WASF2: variants seen among roughly 807,000 people sequenced by gnomAD.
The protein encoded by WASF2 is WASP family member 2.
In WASF2, 14 loss-of-function variants were observed where a neutral mutation model predicts 45.0. That is an observed-to-expected ratio of 0.31 (90% CI 0.21 to 0.49). WASF2 has a LOEUF of 0.49. Among genes scored for constraint, WASF2 ranks in the 20% least tolerant of loss-of-function variants. The pLI, the probability that WASF2 is intolerant of heterozygous loss-of-function variation, is 0.99. For synonymous variants in WASF2, 200 were observed against 236.3 expected, an observed-to-expected ratio of 0.85 and a Z score of 1.41; for missense variants, 439 against 636.1, an observed-to-expected ratio of 0.69 and a Z score of 3.33.
chr1:27,452,509 AAAAT>A (rs765851678), intron 1 of WASF2, among the ~76,000 whole-genome samples: 2 of 150,718 alleles, frequency 1.3e-5, no homozygotes, highest in East Asian at 2.0e-4. Flanking sequence ...GAGACTGTCT[AAAAT>A]AAATAAATAA....
In WASF2 at chr1:27,447,799, C is replaced by T. The variant is rs2148123122; in HGVS notation, c.-43-18866G>A. ...CAAGCAGCTAAAACTAAGTCTCTTG[C>T]AAAATTTAAATGATTCAAGTTTCAT... is the stretch of plus-strand genomic sequence containing the variant. On this transcript the variant is annotated intron_variant, in intron 1 of 8. Transcript: ENST00000618852. 1.3e-5 allele frequency among the ~76,000 whole-genome samples: 2 copies of T among 152,274 alleles called. 1 individual carries two copies. Among genetic ancestry groups the T allele is most frequent in the Middle Eastern group, 6.8e-3 (2 of 294 alleles).
chr1:27,451,190 CT>C (rs1315682213), intron 1 of WASF2, among the ~76,000 whole-genome samples: 1 of 152,216 alleles, frequency 6.6e-6, no homozygotes, highest in Non-Finnish European at 1.5e-5. Context: ...CCTCACAGAG[CT>C]TGCAAGCTCC....
chr1:27,485,886 A>C (rs979895248), intron 1 of WASF2, among the ~76,000 whole-genome samples: 16 of 151,298 alleles, frequency 1.1e-4, no homozygotes, highest in African/African-American at 3.6e-4. Context: ...TAATTTTTGT[A>C]TTTTTAGTAG....
chr1:27,463,422 G>A (rs565012698), intron 1 of WASF2, among the ~76,000 whole-genome samples: 56 of 151,724 alleles, frequency 3.7e-4, no homozygotes, highest in African/African-American at 1.2e-3. Context: ...TCAGGAAATC[G>A]AGACCATCCT....
At chr1:27,430,217 G>A (rs2017042821) in intron 1 of WASF2, among the ~76,000 whole-genome samples, 1 of 152,174 alleles carries the variant, frequency 6.6e-6, no homozygotes, top group African/African-American at 2.4e-5. Flanking sequence ...AAGGCACAAT[G>A]AACTGATCCT....
At chr1:27,431,370 C>G (rs1376018459) in intron 1 of WASF2, among the ~76,000 whole-genome samples, 1 of 152,068 alleles carries the variant, frequency 6.6e-6, no homozygotes, top group Non-Finnish European at 1.5e-5. Context: ...TTCAGTAACA[C>G]ATGGTAAAGA....
intron 1 of WASF2, among the ~76,000 whole-genome samples, chr1:27,487,909 A>G (rs967804722): frequency 2.6e-4 from 39 of 150,678 alleles, no homozygotes; most frequent in African/African-American, 9.3e-4. Flanking sequence ...AACTATTCTC[A>G]GAGGGTTTAA....
chr1:27,469,888 G>C (rs1376685291), intron 1 of WASF2, among the ~76,000 whole-genome samples: 1 of 152,030 alleles, frequency 6.6e-6, no homozygotes, highest in Non-Finnish European at 1.5e-5. Flanking sequence ...AGGTTGCAGT[G>C]AGCAGAGATC....
intron 1 of WASF2, among the ~76,000 whole-genome samples, chr1:27,435,212 T>C (rs1571135755): frequency 6.6e-6 from 1 of 152,096 alleles, no homozygotes; most frequent in East Asian, 1.9e-4. Flanking sequence ...TCCCAAAGTG[T>C]TGGGATTACG....
Position 27,408,002 on chromosome 1 carries a change from G to C in WASF2, c.*187C>G. On this transcript the variant is annotated 3_prime_UTR_variant, in exon 9 of 9. Coordinates refer to ENST00000618852, the MANE Select transcript of WASF2 (RefSeq NM_006990.5). ...AGGAGCCCCACAGGGCCTGAAAATG[G>C]GGAGAGGAAATACATGTTGACTTGG... 1 of 613,614 alleles carries C rather than the reference G, an allele frequency of 1.6e-6. No homozygotes were observed. Among genetic ancestry groups the C allele is most frequent in the Middle Eastern group, 2.8e-4 (1 of 3,600 alleles). 38.0% of individuals were successfully genotyped at this position (613,614 alleles called of 1,614,324 possible).
chr1:27,487,665 TTA>T lies in WASF2; in HGVS notation c.-44+2319_-44+2320del, dbSNP rs1196742654. On this transcript the variant is annotated intron_variant, in intron 1 of 8. Coordinates refer to ENST00000618852, the MANE Select transcript of WASF2 (RefSeq NM_006990.5). ...TATATTATATATTATATAATATATA[TTA>T]TATATATTTTATATAATATATAATA... 6.7e-5 allele frequency among the ~76,000 whole-genome samples: 7 copies of T among 104,530 alleles called. No individual in the cohort carries two copies. In the East Asian group the frequency reaches 9.3e-4, roughly 14 times the overall value. 68.6% of individuals were successfully genotyped at this position (104,530 alleles called of 152,430 possible).
chr1:27,420,514 C>CTTTTTTTTTTT (rs782294669), intron 2 of WASF2, among the ~76,000 whole-genome samples: 1 of 82,490 alleles, frequency 1.2e-5, no homozygotes, highest in Non-Finnish European at 2.0e-5. Context: ...ACCATCTGAG[C>CTTTTTTTTTTT]TTTTTTTTTT....
intron 6 of WASF2, among the ~76,000 whole-genome samples, chr1:27,413,233 A>T (rs1021726771): frequency 1.3e-5 from 2 of 152,174 alleles, no homozygotes; most frequent in East Asian, 3.9e-4. Context: ...GCAGGGTGCT[A>T]TGTGGTAGTA....
At chr1:27,463,759 G>C (rs928008546) in intron 1 of WASF2, among the ~76,000 whole-genome samples, 2 of 150,406 alleles carry the variant, frequency 1.3e-5, no homozygotes, top group African/African-American at 2.4e-5. Context: ...TCCTGCTTCT[G>C]ATCATTAGTA....
At chr1:27,457,792 T>C (rs1209461055) in intron 1 of WASF2, among the ~76,000 whole-genome samples, 1 of 151,988 alleles carries the variant, frequency 6.6e-6, no homozygotes, top group African/African-American at 2.4e-5. Flanking sequence ...GGCTAATTTT[T>C]AAAAATTTTT....
intron 1 of WASF2, among the ~76,000 whole-genome samples, chr1:27,481,855 G>A (rs1441872825): frequency 6.6e-6 from 1 of 152,114 alleles, no homozygotes; most frequent in Non-Finnish European, 1.5e-5. Context: ...AATATCACAG[G>A]CAAAGTTTAA....
At chr1:27,447,499 T>A (rs1419700108) in intron 1 of WASF2, among the ~76,000 whole-genome samples, 5 of 152,206 alleles carry the variant, frequency 3.3e-5, no homozygotes, top group African/African-American at 7.2e-5. Context: ...TTCCTTTGGT[T>A]GTTCAGATTG....
At position 27,461,871 on chromosome 1, in the gene WASF2, C is replaced by T. The variant is rs180876847; in HGVS notation, c.-44+28115G>A. 6.4e-4 allele frequency among the ~76,000 whole-genome samples: 98 copies of T among 152,190 alleles called. No homozygotes were observed. The East Asian group carries it at 0.018, about 29-fold the overall frequency. The stretch of plus-strand genomic sequence containing the variant: ...AGAGACAGGGTTTCACCATGTTGCC[C>T]AGGCAGTCTCAAACTCTTGGGATCA... On this transcript the variant is annotated intron_variant, in intron 1 of 8. Coordinates refer to ENST00000618852, the MANE Select transcript of WASF2 (RefSeq NM_006990.5).
Position 27,419,002 on chromosome 1 carries a change from C to G in WASF2, c.217G>C (p.Asp73His). 2 of 1,613,900 alleles carry G rather than the reference C, an allele frequency of 1.2e-6. No homozygotes were observed. Among genetic ancestry groups the G allele is most frequent in the East Asian group, 4.5e-5 (2 of 44,870 alleles). Residue 73 changes from aspartate to histidine, a missense_variant, in exon 3 of 9, where the codon GAC becomes CAC. Transcript: ENST00000618852. ...SRVSSLAERVDRLQVKVTQLD... is the reference protein window; with the variant it reads ...SRVSSLAERVHRLQVKVTQLD... Reference sequence around the variant, plus strand: ...TGAGTGACTTTAACCTGTAGTCGGTCGACCCTCTCAGCAAGGGAGCTTACC... The same window carrying G: ...TGAGTGACTTTAACCTGTAGTCGGTGGACCCTCTCAGCAAGGGAGCTTACC...
Sources: allele counts gnomAD v4.1 joint callset (sites outside exome capture counted in the v4.1 genomes callset), GRCh38; gene constraint gnomAD v4.1.1; transcripts MANE v1.5; gene names NCBI Gene and HGNC (gene_info 2026-07-23, HGNC 2026-07-21).